Variants in NMT2 observed in about 807,000 individuals in gnomAD.
NMT2 encodes the protein glycylpeptide N-tetradecanoyltransferase 2.
Under a neutral mutation model 65.4 loss-of-function variants are expected in NMT2, and 35 were observed. That is an observed-to-expected ratio of 0.54 (90% CI 0.41 to 0.71). NMT2 has a LOEUF of 0.71. Ranked by LOEUF, NMT2 falls within the 30% of genes least tolerant of loss-of-function variation. The pLI is 0.00. For synonymous variants in NMT2, 226 were observed against 231.8 expected, an observed-to-expected ratio of 0.98 and a Z score of 0.23; for missense variants, 489 against 611.3, an observed-to-expected ratio of 0.80 and a Z score of 2.11.
At chr10:15,118,429 C>G (rs1845815831) in intron 9 of NMT2, among the ~76,000 whole-genome samples, 1 of 152,150 alleles carries the variant, frequency 6.6e-6, no homozygotes, top group African/African-American at 2.4e-5. Flanking sequence ...ATCCCAGCTA[C>G]TCGGGAGGCG....
chr10:15,167,655 G>C (rs1394707864), intron 1 of NMT2, among the ~76,000 whole-genome samples: 1 of 152,220 alleles, frequency 6.6e-6, no homozygotes, highest in East Asian at 1.9e-4. Context: ...CCTCTAAAAA[G>C]AGAGCATCAA....
At chr10:15,142,258 T>G (rs1225125850) in intron 1 of NMT2, among the ~76,000 whole-genome samples, 2 of 152,196 alleles carry the variant, frequency 1.3e-5, no homozygotes, top group African/African-American at 2.4e-5. Context: ...AGAGAAACTG[T>G]TTAAGAACTA....
rs749610381 is a variant in NMT2, at chr10:15,112,806, AG to A, written c.1327del (p.Leu443TrpfsTer15). 2 of 1,611,412 alleles carry A rather than the reference AG, an allele frequency of 1.2e-6. No individual in the cohort carries two copies. Among genetic ancestry groups the A allele is most frequent in the East Asian group, 4.5e-5 (2 of 44,836 alleles). On this transcript the variant is annotated frameshift_variant, in exon 10 of 12. Transcript: ENST00000378165. LOFTEE classifies it high-confidence loss of function. Reference sequence around the variant, plus strand: ...GAAGGAGTGGCTTACCGATTTAGCCAGGATGAGCGCGTCGCTCATGAGGTCC... The same window carrying A: ...GAAGGAGTGGCTTACCGATTTAGCCAGATGAGCGCGTCGCTCATGAGGTCC... Reference protein sequence around the residue: ...LLDLMSDALILAKSKGFDVFN... With the variant: ...LLDLMSDALIXAKSKGFDVFN...
chr10:15,128,365 T>G lies in NMT2; in HGVS notation c.984A>C (p.Leu328=). The G allele has an allele frequency of 6.3e-7, 1 of 1,583,952 alleles. No individual in the cohort carries two copies. Among genetic ancestry groups the G allele is most frequent in the Non-Finnish European group, 8.7e-7 (1 of 1,153,174 alleles). The change falls in exon 8 of 12, where the codon CTA becomes CTC. Residue 328 remains leucine, a synonymous_variant. Transcript: ENST00000378165. ...RNMTLQRTMK[L]YRLPDVTKTS... ...TCTTACTTACATCTGGAAGTCTGTATAGCTTCATTGTTCTCTGTAAAGTCA... is the reference window on the plus strand; with the variant it reads ...TCTTACTTACATCTGGAAGTCTGTAGAGCTTCATTGTTCTCTGTAAAGTCA...
At position 15,107,660 on chromosome 10, in the gene NMT2, G is replaced by A. The variant is rs540533958; in HGVS notation, c.*1535C>T. 9 of 570,468 alleles carry A rather than the reference G, an allele frequency of 1.6e-5. No individual in the cohort carries two copies. In the African/African-American group the frequency reaches 1.6e-4, roughly 10 times the overall value. 35.3% of individuals were successfully genotyped at this position (570,468 alleles called of 1,614,324 possible). ...AGTAGAGATGGGGTTTCACCATGTT[G>A]GCCAGGCTGGTCTCGAACCCCTGAC... On this transcript the variant is annotated 3_prime_UTR_variant, in exon 12 of 12. Transcript: ENST00000378165.
chr10:15,144,249 G>T (rs1270118399), intron 1 of NMT2, among the ~76,000 whole-genome samples: 3 of 152,060 alleles, frequency 2.0e-5, no homozygotes, highest in East Asian at 3.9e-4. Flanking sequence ...CACTAAGTTG[G>T]TCATCCCAGC....
chr10:15,161,064 G>A, intron 1 of NMT2, among the ~76,000 whole-genome samples: 1 of 103,432 alleles, frequency 9.7e-6, no homozygotes. Flanking sequence ...GACAGAGCGA[G>A]ACTCTGCCTC....
intron 9 of NMT2, among the ~76,000 whole-genome samples, chr10:15,113,717 G>A (rs1385345324): frequency 6.6e-6 from 1 of 152,140 alleles, no homozygotes; most frequent in Admixed American, 6.5e-5. Flanking sequence ...GTAAGGTTGG[G>A]TAGAGTCTGG....
chr10:15,122,321 A>G lies in NMT2; in HGVS notation c.1000-2808T>C, dbSNP rs552409952. ...AACATTCTTCTGGAGCACAATTCTC[A>G]TTCATTGAATATCCAACTGTGAAAC... is the stretch of plus-strand genomic sequence containing the variant. On this transcript the variant is annotated intron_variant, in intron 8 of 11. Coordinates refer to ENST00000378165, the MANE Select transcript of NMT2 (RefSeq NM_004808.3). Among the ~76,000 whole-genome samples, 9 of 152,350 alleles carry G rather than the reference A, an allele frequency of 5.9e-5. No individual in the cohort carries two copies. The South Asian group carries it at 1.9e-3, about 32-fold the overall frequency.
intron 1 of NMT2, among the ~76,000 whole-genome samples, chr10:15,159,481 C>T (rs948185390): frequency 5.9e-5 from 9 of 151,990 alleles, no homozygotes; most frequent in African/African-American, 2.2e-4. Flanking sequence ...GGCACAATCT[C>T]GGCTCACTGC....
intron 1 of NMT2, 73 bp downstream of exon 1, chr10:15,168,430 C>A: frequency 8.8e-7 from 1 of 1,136,482 alleles, no homozygotes. Flanking sequence ...CTGGGAGCCA[C>A]CCCCGAACGG....
At chr10:15,154,828 T>A in intron 1 of NMT2, 2 of 774,388 alleles carry the variant, frequency 2.6e-6, no homozygotes, top group South Asian at 2.7e-5. Context: ...GCAGTGGTGA[T>A]CTTCTTCCTG....
chr10:15,164,801 G>A (rs940483286), intron 1 of NMT2, among the ~76,000 whole-genome samples: 2 of 152,072 alleles, frequency 1.3e-5, no homozygotes, highest in Non-Finnish European at 2.9e-5. Context: ...GGAGGCCGAG[G>A]CCAGGGGATC....
chr10:15,118,198 A>C (rs546668979), intron 9 of NMT2, among the ~76,000 whole-genome samples: 121 of 152,304 alleles, frequency 7.9e-4, no homozygotes, highest in African/African-American at 2.8e-3. Flanking sequence ...AATATAGAGG[A>C]CCCAGAAAGG....
At chr10:15,168,289 T>TC in intron 1 of NMT2, 23 of 206,706 alleles carry the variant, frequency 1.1e-4, no homozygotes, top group South Asian at 1.4e-4. Flanking sequence ...GGCCCCAGCC[T>TC]CCCCGCCCAC....
intron 1 of NMT2, among the ~76,000 whole-genome samples, chr10:15,148,280 C>A (rs1339386571): frequency 6.6e-6 from 1 of 152,190 alleles, no homozygotes. Context: ...GAGGACAAGG[C>A]AGGAGGGCTG....
At chr10:15,125,600 T>C (rs1241708732) in intron 8 of NMT2, among the ~76,000 whole-genome samples, 1 of 152,052 alleles carries the variant, frequency 6.6e-6, no homozygotes, top group Non-Finnish European at 1.5e-5. Context: ...CATTTGCCCA[T>C]AGTGAAAAAA....
chr10:15,131,443 C>A (rs1335026845), intron 6 of NMT2, among the ~76,000 whole-genome samples: 2 of 151,924 alleles, frequency 1.3e-5, no homozygotes, highest in South Asian at 4.1e-4. Context: ...ATCACTACGA[C>A]CTGCCCGTCT....
chr10:15,167,872 AAG>A (rs2131653267), intron 1 of NMT2, among the ~76,000 whole-genome samples: 1 of 152,268 alleles, frequency 6.6e-6, no homozygotes, highest in Non-Finnish European at 1.5e-5. Flanking sequence ...CCCTGCTCTG[AAG>A]AGCTCTAGGG....
Sources: gnomAD v4.1 joint callset for allele counts (sites outside exome capture counted in the v4.1 genomes callset) on GRCh38, gnomAD v4.1.1 for gene constraint, MANE v1.5 for transcripts, NCBI Gene and HGNC (gene_info 2026-07-23, HGNC 2026-07-21) for gene names.